SPOCK3: variants seen among roughly 807,000 people sequenced by gnomAD.
SPOCK3 encodes testican-3.
Under a neutral mutation model 56.6 loss-of-function variants are expected in SPOCK3, and 30 were observed. That is an observed-to-expected ratio of 0.53 (90% CI 0.40 to 0.72). SPOCK3 has a LOEUF of 0.72. Among genes scored for constraint, SPOCK3 ranks in the 30% least tolerant of loss-of-function variants. The pLI is 0.00. For missense variants in SPOCK3, 527 were observed against 530.0 expected (o/e 0.99, Z 0.06); for synonymous variants, 196 against 183.3 (o/e 1.07, Z -0.56).
intron 4 of SPOCK3, among the ~76,000 whole-genome samples, chr4:166,919,982 A>T (rs1233219744): frequency 6.6e-6 from 1 of 152,176 alleles, no homozygotes; most frequent in Non-Finnish European, 1.5e-5. Flanking sequence ...ACAGACACAT[A>T]TATTACATTG....
At chr4:166,878,360 A>T (rs1271991399) in intron 6 of SPOCK3, among the ~76,000 whole-genome samples, 3 of 152,150 alleles carry the variant, frequency 2.0e-5, no homozygotes, top group Non-Finnish European at 4.4e-5. Flanking sequence ...TTGGCATCTC[A>T]GAATGTTTAT....
chr4:167,226,093 A>G (rs1736567787), intron 2 of SPOCK3, among the ~76,000 whole-genome samples: 1 of 152,204 alleles, frequency 6.6e-6, no homozygotes, highest in Non-Finnish European at 1.5e-5. Flanking sequence ...ATGCCTTAAC[A>G]CAAGGAATTC....
chr4:166,920,322 A>G lies in SPOCK3; in HGVS notation c.351-7579T>C, dbSNP rs539172773. 2.0e-5 allele frequency among the ~76,000 whole-genome samples: 3 copies of G among 152,272 alleles called. No individual in the cohort carries two copies. In the East Asian group the frequency reaches 5.8e-4, roughly 29 times the overall value. On this transcript the variant is annotated intron_variant, in intron 4 of 10. Coordinates refer to ENST00000357545, the MANE Select transcript of SPOCK3 (RefSeq NM_001040159.2). ...ATACAAGGTGGTGTCTGGAGAGTAT[A>G]CCTCCTGGCTAATGAAATCTGAAAT...
At chr4:166,857,700 T>C (rs1450676483) in intron 6 of SPOCK3, among the ~76,000 whole-genome samples, 2 of 152,214 alleles carry the variant, frequency 1.3e-5, no homozygotes, top group Non-Finnish European at 2.9e-5. Flanking sequence ...AGATAAAATT[T>C]ATGTCTTTCC....
At position 167,190,737 on chromosome 4, in the gene SPOCK3, C is replaced by A. The variant is rs1020565799; in HGVS notation, c.189+43248G>T. ...ATATGTTTGTTTTCTAGGGGTTTGA[C>A]TGTTTCAGATTTTACTTTTACGTCT... On this transcript the variant is annotated intron_variant, in intron 2 of 10. Coordinates refer to ENST00000357545, the MANE Select transcript of SPOCK3 (RefSeq NM_001040159.2). Among the ~76,000 whole-genome samples, 9 of 145,560 alleles carry A rather than the reference C, an allele frequency of 6.2e-5. 1 individual carries two copies. Among genetic ancestry groups the A allele is most frequent in the Admixed American group, 3.5e-4 (5 of 14,174 alleles).
At chr4:166,854,967 A>T (rs959799397) in intron 6 of SPOCK3, among the ~76,000 whole-genome samples, 1 of 152,178 alleles carries the variant, frequency 6.6e-6, no homozygotes, top group Non-Finnish European at 1.5e-5. Flanking sequence ...GAATCCTCAA[A>T]GTCTCTAACT....
intron 2 of SPOCK3, among the ~76,000 whole-genome samples, chr4:167,210,914 T>A (rs1427761629): frequency 6.6e-6 from 1 of 152,188 alleles, no homozygotes; most frequent in Non-Finnish European, 1.5e-5. Context: ...CACTTCTGAT[T>A]TACTGGAAAA....
chr4:167,107,971 A>G (rs548762025), intron 2 of SPOCK3, among the ~76,000 whole-genome samples: 1 of 152,040 alleles, frequency 6.6e-6, no homozygotes, highest in African/African-American at 2.4e-5. Flanking sequence ...GAAATCTAAT[A>G]ATTTGATCAA....
chr4:167,134,228 T>G (rs1465151831), intron 2 of SPOCK3, among the ~76,000 whole-genome samples: 1 of 151,822 alleles, frequency 6.6e-6, no homozygotes, highest in East Asian at 1.9e-4. Flanking sequence ...AGATAGGGTT[T>G]CGCCATTTTG....
At chr4:167,040,274 A>G (rs182514122) in intron 3 of SPOCK3, among the ~76,000 whole-genome samples, 1 of 152,296 alleles carries the variant, frequency 6.6e-6, no homozygotes, top group African/African-American at 2.4e-5. Flanking sequence ...ATTATTTCAG[A>G]ATATAGGATA....
intron 6 of SPOCK3, among the ~76,000 whole-genome samples, chr4:166,801,334 T>C (rs900012281): frequency 6.6e-6 from 1 of 152,128 alleles, no homozygotes; most frequent in Admixed American, 6.6e-5. Flanking sequence ...TTGTTTTAAG[T>C]TACCATCTTT....
chr4:166,921,986 G>A (rs1738546750), intron 4 of SPOCK3, among the ~76,000 whole-genome samples: 2 of 152,078 alleles, frequency 1.3e-5, no homozygotes, highest in Admixed American at 6.5e-5. Flanking sequence ...GTTAGGAACC[G>A]GGCTGCACAG....
At chr4:167,119,727 C>T (rs1761713574) in intron 2 of SPOCK3, 1 of 1,117,110 alleles carries the variant, frequency 9.0e-7, no homozygotes, top group Non-Finnish European at 1.3e-6. Context: ...AACGTTATGT[C>T]TATAACATAA....
chr4:167,177,558 TG>T (rs1396795083), intron 2 of SPOCK3, among the ~76,000 whole-genome samples: 2 of 152,058 alleles, frequency 1.3e-5, no homozygotes, highest in Non-Finnish European at 2.9e-5. Context: ...AAGATGATTT[TG>T]GAAGAGAGCT....
At chr4:166,956,273 A>G (rs1352630307) in intron 4 of SPOCK3, among the ~76,000 whole-genome samples, 1 of 152,086 alleles carries the variant, frequency 6.6e-6, no homozygotes. Context: ...ATGTGATAAA[A>G]TTTGATGTAT....
intron 4 of SPOCK3, among the ~76,000 whole-genome samples, chr4:166,935,878 T>C (rs1740343460): frequency 6.6e-6 from 1 of 152,096 alleles, no homozygotes; most frequent in South Asian, 2.1e-4. Flanking sequence ...GATAACAACA[T>C]TTGCCTAAAG....
intron 2 of SPOCK3, among the ~76,000 whole-genome samples, chr4:167,107,003 G>C (rs1018174849): frequency 6.6e-6 from 1 of 151,716 alleles, no homozygotes; most frequent in Non-Finnish European, 1.5e-5. Flanking sequence ...TAAAATCAAA[G>C]TCATAATAAA....
intron 3 of SPOCK3, among the ~76,000 whole-genome samples, chr4:167,037,957 TCA>T (rs1035099589): frequency 1.3e-5 from 2 of 152,150 alleles, no homozygotes; most frequent in African/African-American, 2.4e-5. Flanking sequence ...GACAAACCAG[TCA>T]CAGAAACAGA....
At chr4:167,132,460 G>C (rs556947438) in intron 2 of SPOCK3, among the ~76,000 whole-genome samples, 13 of 152,242 alleles carry the variant, frequency 8.5e-5, no homozygotes, top group Admixed American at 8.5e-4. Context: ...AGATTATACA[G>C]TTACAGTTTA....
Sources: gnomAD v4.1 joint callset for allele counts (sites outside exome capture counted in the v4.1 genomes callset) on GRCh38, gnomAD v4.1.1 for gene constraint, MANE v1.5 for transcripts, NCBI Gene and HGNC (gene_info 2026-07-23, HGNC 2026-07-21) for gene names.